Variants in CPNE4 observed in about 807,000 individuals in gnomAD.
CPNE4 encodes the protein copine 4.
In CPNE4, 25 loss-of-function variants were observed where a neutral mutation model predicts 67.9. The ratio of observed to expected loss-of-function variants is 0.37; its 90% CI spans 0.27 to 0.51. CPNE4 has a LOEUF of 0.51. Ranked by LOEUF, CPNE4 falls within the 20% of genes least tolerant of loss-of-function variation. The pLI, the probability that CPNE4 is intolerant of heterozygous loss-of-function variation, is 0.93. For synonymous variants in CPNE4, 242 were observed against 244.9 expected, an observed-to-expected ratio of 0.99 and a Z score of 0.11; for missense variants, 464 against 690.8, an observed-to-expected ratio of 0.67 and a Z score of 3.68.
chr3:131,744,049 T>C (rs1263952380), intron 2 of CPNE4, among the ~76,000 whole-genome samples: 1 of 135,578 alleles, frequency 7.4e-6, no homozygotes, highest in East Asian at 2.1e-4. Flanking sequence ...TATCCTTTAA[T>C]ATTATTTGAA....
intron 2 of CPNE4, among the ~76,000 whole-genome samples, chr3:131,760,895 G>A (rs1023954812): frequency 2.0e-5 from 3 of 152,166 alleles, no homozygotes; most frequent in Non-Finnish European, 2.9e-5. Context: ...AAATGAGATG[G>A]GGGATATGAG....
At chr3:131,696,108 C>T (rs2081150184) in intron 5 of CPNE4, among the ~76,000 whole-genome samples, 1 of 129,108 alleles carries the variant, frequency 7.7e-6, no homozygotes, top group Admixed American at 7.6e-5. Flanking sequence ...CATAAGTGGG[C>T]TGACTATTAA....
intron 2 of CPNE4, among the ~76,000 whole-genome samples, chr3:131,792,728 T>TACATATATAC (rs2083797456): frequency 4.3e-5 from 4 of 93,570 alleles, no homozygotes; most frequent in East Asian, 3.6e-4. Flanking sequence ...TGTATATATA[T>TACATATATAC]ACACGTGTGT....
rs77262280 is a variant in CPNE4, at chr3:131,579,505, C to T, written c.867+2074G>A. ...TTTCATAAGGTTATAACTATCATTACGGTAGTTTTTCTGATAGATCTCAGA... is the reference window on the plus strand; with the variant it reads ...TTTCATAAGGTTATAACTATCATTATGGTAGTTTTTCTGATAGATCTCAGA... On this transcript the variant is annotated intron_variant, in intron 9 of 15. Transcript: ENST00000429747. Among the ~76,000 whole-genome samples, 1,430 of 152,214 alleles carry T rather than the reference C, an allele frequency of 9.4e-3. 19 individuals carry two copies. The highest frequency in any genetic ancestry group is 0.055 in the East Asian group (283 of 5,184).
At chr3:131,690,367 G>C (rs2081007784) in intron 5 of CPNE4, among the ~76,000 whole-genome samples, 1 of 152,148 alleles carries the variant, frequency 6.6e-6, no homozygotes, top group Admixed American at 6.6e-5. Context: ...ACAGGATAGA[G>C]AATCCAGAAA....
rs546113997 is a variant in CPNE4, at chr3:131,540,863, G to A, written c.1539+1694C>T. 4.2e-4 allele frequency among the ~76,000 whole-genome samples: 64 copies of A among 152,222 alleles called. No individual in the cohort carries two copies. The South Asian group carries it at 0.013, about 31-fold the overall frequency. On this transcript the variant is annotated intron_variant, in intron 15 of 15. Coordinates refer to ENST00000429747, the MANE Select transcript of CPNE4 (RefSeq NM_130808.3). ...TTCCAGCAGGGGTCTTTGAGATGTG[G>A]AGACACATCTCACTGCATTAATGAC...
chr3:132,012,357 C>T (rs1392224639), intron 1 of CPNE4, among the ~76,000 whole-genome samples: 4 of 152,086 alleles, frequency 2.6e-5, no homozygotes, highest in African/African-American at 4.8e-5. Flanking sequence ...TTAGTAGAGA[C>T]GGTGTTTCAC....
intron 6 of CPNE4, among the ~76,000 whole-genome samples, chr3:131,684,477 T>C (rs1385397088): frequency 6.6e-6 from 1 of 152,222 alleles, no homozygotes; most frequent in East Asian, 1.9e-4. Flanking sequence ...TAAACACTTT[T>C]TTTAGATATC....
At chr3:131,683,344 C>T (rs977695982) in intron 6 of CPNE4, among the ~76,000 whole-genome samples, 1 of 152,234 alleles carries the variant, frequency 6.6e-6, no homozygotes, top group East Asian at 1.9e-4. Context: ...GATTTTTATT[C>T]AGAAGGTAAT....
intron 1 of CPNE4, among the ~76,000 whole-genome samples, chr3:131,937,517 C>A (rs2071258756): frequency 6.6e-6 from 1 of 152,002 alleles, no homozygotes; most frequent in Non-Finnish European, 1.5e-5. Context: ...GAGAAAAATA[C>A]TAGAGGACAA....
chr3:131,959,994 C>CCTG (rs1341145043), intron 1 of CPNE4, among the ~76,000 whole-genome samples: 1 of 152,080 alleles, frequency 6.6e-6, no homozygotes, highest in East Asian at 1.9e-4. Flanking sequence ...ATATTCAGAT[C>CCTG]ATTAAAATGA....
intron 2 of CPNE4, among the ~76,000 whole-genome samples, chr3:131,792,919 G>C (rs76816066): frequency 1.3e-5 from 1 of 77,620 alleles, no homozygotes; most frequent in Non-Finnish European, 2.7e-5. Context: ...GTGTGTGTGT[G>C]TGTGTGTATC....
chr3:131,741,544 T>C (rs2082355525), intron 2 of CPNE4, among the ~76,000 whole-genome samples: 1 of 152,038 alleles, frequency 6.6e-6, no homozygotes, highest in South Asian at 2.1e-4. Context: ...AAAGTTCTCA[T>C]ATGAGGTAAA....
At chr3:131,711,811 C>A (rs1210550393) in intron 3 of CPNE4, among the ~76,000 whole-genome samples, 2 of 152,162 alleles carry the variant, frequency 1.3e-5, no homozygotes, top group Admixed American at 6.5e-5. Context: ...GGAGTCTAGA[C>A]TTTGGAGGAA....
In CPNE4 at chr3:131,970,715, A is replaced by G. The variant is rs532237320; in HGVS notation, c.-2+63852T>C. ...CTCCAGAGTTAAACAGCTTCACATTAGATTTCATGATCTAGCTAGATCACT... is the reference window on the plus strand; with the variant it reads ...CTCCAGAGTTAAACAGCTTCACATTGGATTTCATGATCTAGCTAGATCACT... On this transcript the variant is annotated intron_variant, in intron 1 of 15. Transcript: ENST00000429747. Among the ~76,000 whole-genome samples the G allele has an allele frequency of 6.6e-5, 10 of 152,298 alleles. No homozygotes were observed. The South Asian group carries it at 1.7e-3, about 25-fold the overall frequency.
intron 6 of CPNE4, among the ~76,000 whole-genome samples, chr3:131,678,121 T>A (rs138860078): frequency 6.6e-6 from 1 of 152,324 alleles, no homozygotes; most frequent in African/African-American, 2.4e-5. Context: ...TAGTGGTTTG[T>A]AGTTCTCTTG....
rs1469390450 is a variant in CPNE4, at chr3:132,000,556, C to T, written c.-2+34011G>A. On this transcript the variant is annotated intron_variant, in intron 1 of 15. Transcript: ENST00000429747. The stretch of plus-strand genomic sequence containing the variant: ...GTTACTAGTAAACGTTAAGGACAAA[C>T]AATAAAGCAAGGAAGAAGGCCATAA... 4.6e-5 allele frequency among the ~76,000 whole-genome samples: 7 copies of T among 150,578 alleles called. No homozygotes were observed. The South Asian group carries it at 8.5e-4, about 18-fold the overall frequency.
At chr3:131,730,798 T>C (rs1393494686) in intron 2 of CPNE4, among the ~76,000 whole-genome samples, 1 of 152,176 alleles carries the variant, frequency 6.6e-6, no homozygotes, top group Non-Finnish European at 1.5e-5. Context: ...AATTTCTTCC[T>C]AGTAACCCCA....
At chr3:131,879,109 C>T (rs1341236245) in intron 2 of CPNE4, among the ~76,000 whole-genome samples, 5 of 151,952 alleles carry the variant, frequency 3.3e-5, no homozygotes, top group Non-Finnish European at 7.4e-5. Flanking sequence ...TCTAAAAGTG[C>T]ATAAGGGTGT....
Sources: gnomAD v4.1 joint callset for allele counts (sites outside exome capture counted in the v4.1 genomes callset) on GRCh38, gnomAD v4.1.1 for gene constraint, MANE v1.5 for transcripts, NCBI Gene and HGNC (gene_info 2026-07-23, HGNC 2026-07-21) for gene names.